The following FGFR2 variants were observed in gnomAD, a reference collection of about 807,000 sequenced individuals.
The protein encoded by FGFR2 is fibroblast growth factor receptor 2, also known as BEK fibroblast growth factor receptor.
Under a neutral mutation model 95.9 loss-of-function variants are expected in FGFR2, and 19 were observed. That is an observed-to-expected ratio of 0.20 (90% CI 0.14 to 0.29). The LOEUF is 0.29. Among genes scored for constraint, FGFR2 ranks in the 10% least tolerant of loss-of-function variants. FGFR2 has a pLI of 1.00. For synonymous variants in FGFR2, 392 were observed against 393.3 expected, an observed-to-expected ratio of 1.00 and a Z score of 0.04; for missense variants, 707 against 1,056.9, an observed-to-expected ratio of 0.67 and a Z score of 4.59.
chr10:121,532,978 A>G (rs1312377553), intron 6 of FGFR2, among the ~76,000 whole-genome samples: 1 of 152,154 alleles, frequency 6.6e-6, no homozygotes, highest in African/African-American at 2.4e-5. Flanking sequence ...GTGATGCCTG[A>G]CCCATCCAGA....
Position 121,485,329 on chromosome 10 carries a change from TC to T in FGFR2, c.2195+65del. 1 of 1,608,458 alleles carries T rather than the reference TC, an allele frequency of 6.2e-7. No homozygotes were observed. Among genetic ancestry groups the T allele is most frequent in the Non-Finnish European group, 8.5e-7 (1 of 1,175,654 alleles). ...CAGGGGCCTTCAAAAACGAGATACA[TC>T]AGGAGAGGTATTACTGGTGTGGCAA... On this transcript the variant is annotated intron_variant, in intron 16 of 17. Coordinates refer to ENST00000358487, the MANE Select transcript of FGFR2 (RefSeq NM_000141.5). The surrounding 1 kb of genome is among the most constrained non-coding windows in gnomAD (Gnocchi z 4.2).
chr10:121,571,031 C>A, intron 2 of FGFR2, among the ~76,000 whole-genome samples: 1 of 151,996 alleles, frequency 6.6e-6, no homozygotes, highest in African/African-American at 2.4e-5. Flanking sequence ...CTTTGTCGCC[C>A]AGGCTGGAGT....
intron 3 of FGFR2, among the ~76,000 whole-genome samples, chr10:121,565,175 A>AC (rs746389493): frequency 4.5e-5 from 5 of 111,866 alleles, no homozygotes; most frequent in African/African-American, 2.1e-4. Context: ...TGTCAGTGGT[A>AC]CAAAAAAAAA....
At chr10:121,492,695 CA>C (rs1350231451) in intron 13 of FGFR2, among the ~76,000 whole-genome samples, 1 of 152,196 alleles carries the variant, frequency 6.6e-6, no homozygotes, top group Admixed American at 6.5e-5. Context: ...AGAGCCCTCG[CA>C]AGGGGACCAT....
At chr10:121,596,583 A>G (rs1385251781) in intron 1 of FGFR2, 1 of 202,300 alleles carries the variant, frequency 4.9e-6, no homozygotes, top group African/African-American at 2.3e-5. Flanking sequence ...ACTTCTCCCC[A>G]GCACTGAGTA....
chr10:121,538,724 A>G lies in FGFR2; in HGVS notation c.625-9T>C, dbSNP rs773416871. 1.9e-6 allele frequency: 3 copies of G among 1,614,196 alleles called. No homozygotes were observed. The South Asian group carries it at 3.3e-5, about 18-fold the overall frequency. On this transcript the variant is annotated splice_polypyrimidine_tract_variant and intron_variant, in intron 5 of 17. Coordinates refer to ENST00000358487, the MANE Select transcript of FGFR2 (RefSeq NM_000141.5). ...CAGTGCTGGTTTCGTACCTGAAAAGATCAAAGCAAAGGCGGTTATTTAACA... is the reference window on the plus strand; with the variant it reads ...CAGTGCTGGTTTCGTACCTGAAAAGGTCAAAGCAAAGGCGGTTATTTAACA...
chr10:121,511,214 T>TGG (rs1404372557), intron 9 of FGFR2, among the ~76,000 whole-genome samples: 1 of 151,542 alleles, frequency 6.6e-6, no homozygotes. Context: ...TCTTGTACCA[T>TGG]GCTGACGGCA....
In FGFR2 at chr10:121,578,835, C is replaced by T. The variant is rs538790838; in HGVS notation, c.110-13131G>A. Among the ~76,000 whole-genome samples, 405 of 152,302 alleles carry T rather than the reference C, an allele frequency of 2.7e-3. 2 individuals are homozygous for T. The highest frequency in any genetic ancestry group is 3.8e-3 in the African/African-American group (159 of 41,568). The stretch of plus-strand genomic sequence containing the variant: ...TGAGGCAAGAGAATCACTTGAACTT[C>T]GGAGGCAGAGGTTGCAGTGAGCCAA... On this transcript the variant is annotated intron_variant, in intron 2 of 17. Coordinates refer to ENST00000358487, the MANE Select transcript of FGFR2 (RefSeq NM_000141.5).
chr10:121,527,214 T>C (rs953458819), intron 6 of FGFR2, among the ~76,000 whole-genome samples: 11 of 152,230 alleles, frequency 7.2e-5, no homozygotes, highest in African/African-American at 1.9e-4. Flanking sequence ...CTAATTAATG[T>C]TACAGGCTGT....
chr10:121,481,842 T>A (rs1176255583), intron 17 of FGFR2: 122 of 173,240 alleles, frequency 7.0e-4, no homozygotes, highest in Middle Eastern at 2.1e-3. Context: ...TTATTTTTAT[T>A]TTTTTTTTTT....
intron 4 of FGFR2, among the ~76,000 whole-genome samples, chr10:121,557,674 G>GT (rs1393734033): frequency 6.6e-6 from 1 of 152,076 alleles, no homozygotes; most frequent in Non-Finnish European, 1.5e-5. Flanking sequence ...GCCTGTGTGG[G>GT]TTTTTTGTTG....
At chr10:121,539,152 C>G (rs953707403) in intron 5 of FGFR2, among the ~76,000 whole-genome samples, 3 of 152,178 alleles carry the variant, frequency 2.0e-5, no homozygotes, top group Admixed American at 2.0e-4. Flanking sequence ...TGAGCATTTA[C>G]TATATGCCAG....
chr10:121,552,184 G>A (rs2981430), intron 4 of FGFR2, among the ~76,000 whole-genome samples: 92,565 of 152,008 alleles, frequency 0.61, 28,647 homozygotes, highest in African/African-American at 0.71. Flanking sequence ...ATGCCCTCCA[G>A]ATGTCCCCGA....
chr10:121,518,931 C>A lies in FGFR2; in HGVS notation c.939+1048G>T. ...CACCGCAAGAAAACAAACTCCATTA[C>A]GTCTAAACAGCGGCATTAAAGGGCT... is the stretch of plus-strand genomic sequence containing the variant. On this transcript the variant is annotated intron_variant, in intron 7 of 17. Coordinates refer to ENST00000358487, the MANE Select transcript of FGFR2 (RefSeq NM_000141.5). The surrounding 1 kb of genome is among the most constrained non-coding windows in gnomAD (Gnocchi z 4.0). 7.1e-7 allele frequency: 1 copy of A among 1,415,960 alleles called. No individual in the cohort carries two copies. The highest frequency in any genetic ancestry group is 9.9e-7 in the Non-Finnish European group (1 of 1,006,248). The allele number at this position is 1,415,960 out of a possible 1,614,324, so 87.7% of individuals were successfully genotyped here.
chr10:121,565,369 T>G (rs921004210), intron 3 of FGFR2, 69 bp downstream of exon 3: 3 of 1,602,532 alleles, frequency 1.9e-6, no homozygotes, highest in Non-Finnish European at 2.6e-6. Context: ...TCTCACTACC[T>G]TTTCACTTGG....
intron 10 of FGFR2, among the ~76,000 whole-genome samples, chr10:121,503,275 A>G (rs1847835493): frequency 6.6e-6 from 1 of 152,224 alleles, no homozygotes; most frequent in South Asian, 2.1e-4. Context: ...CAAGGAAAAT[A>G]TTATGGATCA....
intron 2 of FGFR2, among the ~76,000 whole-genome samples, chr10:121,575,437 C>G: frequency 6.6e-6 from 1 of 152,252 alleles, no homozygotes; most frequent in Non-Finnish European, 1.5e-5. Flanking sequence ...GGTCCCAACA[C>G]GTGTATTAAA....
intron 6 of FGFR2, among the ~76,000 whole-genome samples, chr10:121,525,719 C>T (rs756370333): frequency 2.0e-5 from 3 of 151,984 alleles, no homozygotes; most frequent in Non-Finnish European, 4.4e-5. Flanking sequence ...CATGCCAGTC[C>T]TCCTCTGGAC....
chr10:121,508,677 T>C (rs887164339), intron 9 of FGFR2, among the ~76,000 whole-genome samples: 2 of 152,230 alleles, frequency 1.3e-5, no homozygotes, highest in Admixed American at 1.3e-4. Context: ...GAAGGATGAC[T>C]TACGGGAATT....
Sources: gnomAD v4.1 joint callset for allele counts (sites outside exome capture counted in the v4.1 genomes callset) on GRCh38, gnomAD v4.1.1 for gene constraint, Gnocchi (gnomAD v3.1) non-coding constraint, MANE v1.5 for transcripts, NCBI Gene and HGNC (gene_info 2026-07-23, HGNC 2026-07-21) for gene names.